The following LIN52 variants were observed in gnomAD, a reference collection of about 807,000 sequenced individuals.
LIN52 encodes the protein protein lin-52 homolog.
Under a neutral mutation model 18.5 loss-of-function variants are expected in LIN52, and 4 were observed. The observed-to-expected ratio is 0.22, with a 90% CI of 0.11 to 0.49. LIN52 has a LOEUF of 0.49. Among genes scored for constraint, LIN52 ranks in the 20% least tolerant of loss-of-function variants. LIN52 has a pLI of 0.97. For missense variants in LIN52, 102 were observed against 139.5 expected (o/e 0.73, Z 1.35); for synonymous variants, 34 against 45.5 (o/e 0.75, Z 1.02).
chr14:74,192,692 T>C (rs762330811), intron 5 of LIN52: 11 of 259,876 alleles, frequency 4.2e-5, no homozygotes, highest in South Asian at 2.7e-4. Flanking sequence ...AAGCTCGTTG[T>C]GAACAACAGT....
chr14:74,188,394 G>A (rs1441821789), intron 5 of LIN52, among the ~76,000 whole-genome samples: 1 of 151,768 alleles, frequency 6.6e-6, no homozygotes. Context: ...ATGTATCTTG[G>A]GCCTCAGTGT....
chr14:74,136,355 G>A (rs2061097899), intron 5 of LIN52, among the ~76,000 whole-genome samples: 1 of 152,164 alleles, frequency 6.6e-6, no homozygotes, highest in African/African-American at 2.4e-5. Flanking sequence ...AAAGAAGAGT[G>A]AGAAGTCTAG....
intron 1 of LIN52, among the ~76,000 whole-genome samples, chr14:74,089,164 T>C (rs1271168431): frequency 1.3e-5 from 2 of 152,096 alleles, no homozygotes; most frequent in Non-Finnish European, 2.9e-5. Context: ...CTTGGGTTAT[T>C]TGATTTCAGG....
chr14:74,167,112 C>CTTT (rs9323596), intron 5 of LIN52, among the ~76,000 whole-genome samples: 2,038 of 118,938 alleles, frequency 0.017, 68 homozygotes, highest in African/African-American at 0.048. Flanking sequence ...GCCTCTGCTG[C>CTTT]TTTTTTTTTT....
In LIN52 at chr14:74,134,093, A is replaced by C. The variant is rs141428101; in HGVS notation, c.283+32855A>C. On this transcript the variant is annotated intron_variant, in intron 5 of 5. Coordinates refer to ENST00000555028, the MANE Select transcript of LIN52 (RefSeq NM_001024674.3). ...GTACCTGTGTGATTTATCCCTAGTC[A>C]GCTCTTTAATTTCTTCTGGCTGTCT... Among the ~76,000 whole-genome samples the C allele has an allele frequency of 6.2e-3, 937 of 152,322 alleles. 10 individuals are homozygous for C. The highest frequency in any genetic ancestry group is 0.022 in the African/African-American group (897 of 41,566).
At chr14:74,118,107 GAA>G (rs1349103541) in intron 5 of LIN52, among the ~76,000 whole-genome samples, 1 of 152,068 alleles carries the variant, frequency 6.6e-6, no homozygotes, top group Non-Finnish European at 1.5e-5. Context: ...AATGAAAAGA[GAA>G]AAGAGAGCCG....
chr14:74,128,138 A>G (rs1367323349), intron 5 of LIN52, among the ~76,000 whole-genome samples: 1 of 152,188 alleles, frequency 6.6e-6, no homozygotes, highest in Non-Finnish European at 1.5e-5. Flanking sequence ...ACTAAAGAGA[A>G]AGGTGAACTT....
chr14:74,097,858 A>G lies in LIN52; in HGVS notation c.197A>G (p.Lys66Arg). 1 of 1,610,312 alleles carries G rather than the reference A, an allele frequency of 6.2e-7. No homozygotes were observed. The highest frequency in any genetic ancestry group is 8.5e-7 in the Non-Finnish European group (1 of 1,176,564). Reference sequence around the variant, plus strand: ...GAACGTGATGACATCGACATGTTGAAAGGTAAGTGATGCTAGTTACCACTT... The same window carrying G: ...GAACGTGATGACATCGACATGTTGAGAGGTAAGTGATGCTAGTTACCACTT... ...EIERDDIDML[K>R]ELGSLTTANL... Residue 66 changes from lysine to arginine, a missense_variant and splice_region_variant, in exon 4 of 6, where the codon AAA becomes AGA. By Grantham distance (26) the Lys-to-Arg change is conservative (BLOSUM62 2). Coordinates refer to ENST00000555028, the MANE Select transcript of LIN52 (RefSeq NM_001024674.3).
chr14:74,158,541 C>T (rs1284123006), intron 5 of LIN52, among the ~76,000 whole-genome samples: 1 of 151,926 alleles, frequency 6.6e-6, no homozygotes, highest in Admixed American at 6.6e-5. Context: ...TGCAATGGCA[C>T]GATCTCAGCT....
At chr14:74,170,135 G>C (rs1369199760) in intron 5 of LIN52, among the ~76,000 whole-genome samples, 1 of 152,224 alleles carries the variant, frequency 6.6e-6, no homozygotes, top group African/African-American at 2.4e-5. Flanking sequence ...AGTTGTTCCT[G>C]TGTAGCAGGA....
intron 4 of LIN52, among the ~76,000 whole-genome samples, chr14:74,100,794 T>C (rs2060848711): frequency 6.6e-6 from 1 of 152,092 alleles, no homozygotes; most frequent in Non-Finnish European, 1.5e-5. Context: ...GCATTATTTT[T>C]ATACAGGTGA....
chr14:74,125,848 T>C (rs935812851), intron 5 of LIN52, among the ~76,000 whole-genome samples: 13 of 121,002 alleles, frequency 1.1e-4, no homozygotes, highest in Non-Finnish European at 2.1e-4. Context: ...TGAGAACACA[T>C]GGACACAGGA....
chr14:74,196,646 A>G (rs1164736174), intron 5 of LIN52, among the ~76,000 whole-genome samples: 1 of 152,118 alleles, frequency 6.6e-6, no homozygotes, highest in Non-Finnish European at 1.5e-5. Flanking sequence ...GAGGGAAAAG[A>G]TTCCAAGGAA....
intron 5 of LIN52, among the ~76,000 whole-genome samples, chr14:74,122,505 G>T (rs762883391): frequency 3.3e-5 from 5 of 152,038 alleles, no homozygotes; most frequent in Non-Finnish European, 7.4e-5. Flanking sequence ...GATATTTTAG[G>T]CTCTAGAAAA....
chr14:74,097,981 C>G, intron 4 of LIN52, 121 bp downstream of exon 4: 1 of 674,470 alleles, frequency 1.5e-6, no homozygotes, highest in Non-Finnish European at 2.6e-6. Flanking sequence ...ATTTAAACCT[C>G]CTTATTTGTA....
intron 2 of LIN52, 99 bp from the exon 3 acceptor site, chr14:74,095,849 C>T: frequency 1.4e-6 from 1 of 723,192 alleles, no homozygotes; most frequent in Non-Finnish European, 2.3e-6. Context: ...TTCTTCTAAA[C>T]TATAAGAAAA....
intron 5 of LIN52, among the ~76,000 whole-genome samples, chr14:74,132,520 TG>T (rs1239267780): frequency 6.6e-6 from 1 of 152,154 alleles, no homozygotes; most frequent in African/African-American, 2.4e-5. Context: ...TTTGGTTGGT[TG>T]TTTTTTGAGA....
intron 3 of LIN52, among the ~76,000 whole-genome samples, chr14:74,096,349 C>T (rs1320248193): frequency 1.3e-5 from 2 of 151,858 alleles, no homozygotes; most frequent in Non-Finnish European, 2.9e-5. Context: ...TGTGAGCCAC[C>T]GCGCCTGGCC....
chr14:74,122,901 A>C (rs1396010589), intron 5 of LIN52, among the ~76,000 whole-genome samples: 3 of 143,996 alleles, frequency 2.1e-5, no homozygotes, highest in African/African-American at 7.7e-5. Context: ...AAACAAAAAC[A>C]AAAACCAGTT....
Sources: gnomAD v4.1 joint callset for allele counts (sites outside exome capture counted in the v4.1 genomes callset) on GRCh38, gnomAD v4.1.1 for gene constraint, MANE v1.5 for transcripts, NCBI Gene and HGNC (gene_info 2026-07-23, HGNC 2026-07-21) for gene names.